The following DTNB variants were observed in gnomAD, a reference collection of about 807,000 sequenced individuals.
DTNB encodes dystrobrevin beta.
In DTNB, 63 loss-of-function variants were observed where a neutral mutation model predicts 90.7. The ratio of observed to expected loss-of-function variants is 0.69; its 90% CI spans 0.57 to 0.86. The LOEUF (loss-of-function observed/expected upper bound fraction) is 0.86, where lower values mean the gene tolerates loss of function less well. Ranked by LOEUF, DTNB falls within the 40% of genes least tolerant of loss-of-function variation. The pLI, the probability that DTNB is intolerant of heterozygous loss-of-function variation, is 0.00. For missense variants in DTNB, 744 were observed against 807.1 expected (o/e 0.92, Z 0.95); for synonymous variants, 277 against 286.7 (o/e 0.97, Z 0.34).
intron 6 of DTNB, among the ~76,000 whole-genome samples, chr2:25,587,811 T>C (rs1195011928): frequency 2.0e-5 from 3 of 152,176 alleles, no homozygotes; most frequent in Non-Finnish European, 1.5e-5. Flanking sequence ...CTCATTACTA[T>C]AGAGACCTGA....
At chr2:25,503,719 C>A (rs557760250) in intron 9 of DTNB, among the ~76,000 whole-genome samples, 1 of 149,998 alleles carries the variant, frequency 6.7e-6, no homozygotes, top group Non-Finnish European at 1.5e-5. Context: ...TCGAGACCAT[C>A]CTGGCTAACA....
rs34804799 is a variant in DTNB, at chr2:25,609,595, CAA to C, written c.363-2276_363-2275del. 6.2e-4 allele frequency among the ~76,000 whole-genome samples: 68 copies of C among 109,200 alleles called. 1 individual carries two copies. Among genetic ancestry groups the C allele is most frequent in the Admixed American group, 1.1e-3 (11 of 10,290 alleles). The allele number at this position is 109,200 out of a possible 152,430, so 71.6% of individuals were successfully genotyped here. On this transcript the variant is annotated intron_variant, in intron 4 of 20. Transcript: ENST00000406818. The stretch of plus-strand genomic sequence containing the variant: ...CTGGGCAACAAGAGCGAAACTCTTT[CAA>C]AAAAAAAAAAAAAACTTGTTATATA...
chr2:25,605,399 G>A (rs1187337133), intron 5 of DTNB, among the ~76,000 whole-genome samples: 3 of 152,042 alleles, frequency 2.0e-5, no homozygotes, highest in Non-Finnish European at 4.4e-5. Context: ...TGGTCACTTC[G>A]TGTTCCTCCA....
chr2:25,660,224 C>A (rs1488476535), intron 1 of DTNB, among the ~76,000 whole-genome samples: 1 of 152,084 alleles, frequency 6.6e-6, no homozygotes, highest in African/African-American at 2.4e-5. Context: ...CATATACATA[C>A]AATGGAATAT....
chr2:25,536,960 C>G (rs2079966093), intron 8 of DTNB, among the ~76,000 whole-genome samples: 1 of 151,982 alleles, frequency 6.6e-6, no homozygotes, highest in Non-Finnish European at 1.5e-5. Context: ...CCAGGATGGT[C>G]TCAATCTCCT....
intron 8 of DTNB, among the ~76,000 whole-genome samples, chr2:25,566,017 C>T (rs572938522): frequency 5.9e-5 from 9 of 152,028 alleles, no homozygotes; most frequent in Admixed American, 1.3e-4. Context: ...ATCATTCCTT[C>T]GATTACATTA....
In DTNB at chr2:25,455,471, G is replaced by C. The variant is rs1408251825; in HGVS notation, c.1103C>G (p.Pro368Arg). ...TKRLQYSQDI[P>R]SHLADEHALI... ...CGCATGCTCATCGGCCAAGTGACTG[G>C]GTATATCCTGGCTATACTGTAACCT... The change falls in exon 11 of 21, where the codon CCC becomes CGC. Residue 368 changes from proline (P) to arginine (R), a missense_variant. Transcript: ENST00000406818. The C allele has an allele frequency of 2.5e-6, 4 of 1,606,630 alleles. No individual in the cohort carries two copies. Among genetic ancestry groups the C allele is most frequent in the Non-Finnish European group, 3.4e-6 (4 of 1,176,760 alleles).
intron 8 of DTNB, among the ~76,000 whole-genome samples, chr2:25,559,611 G>A (rs1000316888): frequency 2.6e-5 from 4 of 152,166 alleles, no homozygotes; most frequent in South Asian, 4.1e-4. Flanking sequence ...TGCACTGATC[G>A]TAGTGGGATG....
intron 12 of DTNB, among the ~76,000 whole-genome samples, chr2:25,448,921 A>C (rs1436739651): frequency 6.6e-6 from 1 of 151,720 alleles, no homozygotes; most frequent in Non-Finnish European, 1.5e-5. Context: ...CCTGCAACCC[A>C]CACCCCTATT....
At chr2:25,412,326 CA>C (rs1185058664) in intron 16 of DTNB, among the ~76,000 whole-genome samples, 1 of 152,132 alleles carries the variant, frequency 6.6e-6, no homozygotes, top group Non-Finnish European at 1.5e-5. Flanking sequence ...GGCATGATGG[CA>C]AGATCCCACG....
chr2:25,507,665 T>C (rs1443892406), intron 9 of DTNB, among the ~76,000 whole-genome samples: 2 of 152,172 alleles, frequency 1.3e-5, no homozygotes, highest in Non-Finnish European at 2.9e-5. Flanking sequence ...CTTCCTTCCA[T>C]CCTGACTCTG....
intron 5 of DTNB, among the ~76,000 whole-genome samples, chr2:25,602,756 A>C (rs1181160776): frequency 6.6e-6 from 1 of 152,190 alleles, no homozygotes; most frequent in Non-Finnish European, 1.5e-5. Flanking sequence ...GAACCCAGAG[A>C]AAAACCCCTG....
intron 8 of DTNB, among the ~76,000 whole-genome samples, chr2:25,541,281 CCAGCCTGGT>C (rs2081197308): frequency 6.6e-6 from 1 of 151,952 alleles, no homozygotes; most frequent in African/African-American, 2.4e-5. Flanking sequence ...GAGTCCAAGA[CCAGCCTGGT>C]CAACATGGTG....
chr2:25,648,500 C>A (rs894887704), intron 2 of DTNB, among the ~76,000 whole-genome samples: 1 of 152,050 alleles, frequency 6.6e-6, no homozygotes, highest in African/African-American at 2.4e-5. Context: ...AACAAACCTG[C>A]ACATGTACCC....
chr2:25,456,276 TGCAGGGACGAGTG>T (rs2060012335), intron 10 of DTNB, among the ~76,000 whole-genome samples: 1 of 152,210 alleles, frequency 6.6e-6, no homozygotes, highest in South Asian at 2.1e-4. Context: ...CAACATTTTG[TGCAGGGACGAGTG>T]GCTAAAAGCA....
chr2:25,417,526 T>G (rs2048274776), intron 16 of DTNB, among the ~76,000 whole-genome samples: 2 of 152,354 alleles, frequency 1.3e-5, no homozygotes, highest in African/African-American at 2.4e-5. Flanking sequence ...GCCTGCCCTC[T>G]TCTGAAAGAG....
In DTNB at chr2:25,607,365, C is replaced by T. The variant is rs889546402; in HGVS notation, c.363-44G>A. The T allele has an allele frequency of 6.5e-6, 10 of 1,541,214 alleles. No homozygotes were observed. The African/African-American group carries it at 1.4e-4, about 21-fold the overall frequency. ...TAGAAATAATTGCTATCTGAAACCA[C>T]AAAAGGACTCGAATGTATCACTAAA... On this transcript the variant is annotated intron_variant, in intron 4 of 20. Transcript: ENST00000406818.
intron 6 of DTNB, among the ~76,000 whole-genome samples, chr2:25,583,133 G>A (rs2061797310): frequency 6.6e-6 from 1 of 151,480 alleles, no homozygotes; most frequent in Admixed American, 6.6e-5. Flanking sequence ...TGTAATCCCA[G>A]CTACTTGGGA....
intron 10 of DTNB, among the ~76,000 whole-genome samples, chr2:25,464,282 TG>T (rs1229206551): frequency 6.6e-6 from 1 of 152,056 alleles, no homozygotes; most frequent in East Asian, 1.9e-4. Context: ...ATTCTAGGGC[TG>T]GGGCAGGGAA....
Sources: allele counts gnomAD v4.1 joint callset (sites outside exome capture counted in the v4.1 genomes callset), GRCh38; gene constraint gnomAD v4.1.1; transcripts MANE v1.5; gene names NCBI Gene and HGNC (gene_info 2026-07-23, HGNC 2026-07-21).